The following FRMPD1 variants were observed in gnomAD, a reference collection of about 807,000 sequenced individuals.
FRMPD1 encodes the protein FERM and PDZ domain-containing protein 1.
FRMPD1 carries 76 observed loss-of-function variants against 117.8 expected under a neutral mutation model. That is an observed-to-expected ratio of 0.65 (90% CI 0.54 to 0.78). FRMPD1 has a LOEUF of 0.78. Among genes scored for constraint, FRMPD1 ranks in the 30% least tolerant of loss-of-function variants. The pLI, the probability that FRMPD1 is intolerant of heterozygous loss-of-function variation, is 0.00. For synonymous variants in FRMPD1, 783 were observed against 770.4 expected (o/e 1.02, Z -0.27); for missense variants, 1,786 against 1,964.5 (o/e 0.91, Z 1.72).
chr9:37,639,775 C>A, the FRMPD1 span, among the ~76,000 whole-genome samples: 3 of 152,292 alleles, frequency 2.0e-5, no homozygotes, highest in South Asian at 6.2e-4. Context: ...ATCCTCCCGC[C>A]TCAGCCACCC....
Position 37,733,750 on chromosome 9 carries a change from G to C in FRMPD1, c.1143G>C (p.Gln381His). ...PRQKQLISAA[Q>H]LRLNYLQILG... is the part of the protein sequence containing the mutation. ...TTAAGCAACTTATTTCTGCTGCCCA[G>C]CTACGTTTAAATTATCTACAGATCC... The change falls in exon 12 of 16, where the codon CAG becomes CAC. Residue 381 changes from glutamine (Q) to histidine (H), a missense_variant. Transcript: ENST00000377765. 6.2e-7 allele frequency: 1 copy of C among 1,607,158 alleles called. No individual in the cohort carries two copies. The highest frequency in any genetic ancestry group is 8.5e-7 in the Non-Finnish European group (1 of 1,173,732).
chr9:37,736,239 G>A (rs1258362398), intron 13 of FRMPD1, among the ~76,000 whole-genome samples: 1 of 151,784 alleles, frequency 6.6e-6, no homozygotes, highest in Non-Finnish European at 1.5e-5. Flanking sequence ...CTGACCTCGT[G>A]ATCCACCCGC....
chr9:37,729,449 G>A (rs1401735924), intron 7 of FRMPD1, among the ~76,000 whole-genome samples: 3 of 149,724 alleles, frequency 2.0e-5, no homozygotes, highest in Non-Finnish European at 4.4e-5. Flanking sequence ...TAAGTCTAGG[G>A]ACATAGGAGA....
the FRMPD1 span, chr9:37,637,407 T>C: frequency 1.5e-6 from 1 of 667,494 alleles, no homozygotes; most frequent in Non-Finnish European, 2.7e-6. Context: ...AAATTGCATT[T>C]AATAAAATTC....
intron 6 of FRMPD1, among the ~76,000 whole-genome samples, 161 bp from the exon 7 acceptor site, chr9:37,724,064 A>G (rs547811228): frequency 6.6e-6 from 1 of 151,820 alleles, no homozygotes; most frequent in South Asian, 2.1e-4. Context: ...AATCCCAGCT[A>G]TTTGGCAGGC....
In FRMPD1 at chr9:37,696,059, T is replaced by A. The variant is rs1458201773; in HGVS notation, c.101+3317T>A. On this transcript the variant is annotated intron_variant, in intron 2 of 15. Transcript: ENST00000377765. ...CGTTCTCCATTGTTTTGCTTTTTTTTTTTTTTTTTTTTTTTTAATATCTAG... is the reference window on the plus strand; with the variant it reads ...CGTTCTCCATTGTTTTGCTTTTTTTATTTTTTTTTTTTTTTTAATATCTAG... Among the ~76,000 whole-genome samples the A allele has an allele frequency of 9.8e-5, 13 of 133,232 alleles. No individual in the cohort carries two copies. The East Asian group carries it at 3.0e-3, about 31-fold the overall frequency. The allele number at this position is 133,232 out of a possible 152,430, so 87.4% of individuals were successfully genotyped here.
intron 2 of FRMPD1, among the ~76,000 whole-genome samples, chr9:37,701,938 C>T (rs1339375331): frequency 2.6e-5 from 4 of 151,970 alleles, no homozygotes; most frequent in South Asian, 2.1e-4. Flanking sequence ...GAGATCTTCT[C>T]GTGTTGTGAG....
intron 2 of FRMPD1, among the ~76,000 whole-genome samples, chr9:37,705,452 A>T (rs1363337465): frequency 6.6e-6 from 1 of 152,106 alleles, no homozygotes; most frequent in Non-Finnish European, 1.5e-5. Flanking sequence ...TACACCACCA[A>T]GTCCTGCTAT....
chr9:37,710,314 G>T (rs1822858634), intron 4 of FRMPD1, among the ~76,000 whole-genome samples: 1 of 152,200 alleles, frequency 6.6e-6, no homozygotes, highest in Non-Finnish European at 1.5e-5. Context: ...CATATTGCAA[G>T]AAGTCAAATG....
intron 5 of FRMPD1, among the ~76,000 whole-genome samples, chr9:37,717,455 C>T (rs1823196766): frequency 6.7e-6 from 1 of 150,272 alleles, no homozygotes; most frequent in Non-Finnish European, 1.5e-5. Flanking sequence ...TCTCGGCTCA[C>T]TGCAACCTCC....
chr9:37,643,951 C>G, the FRMPD1 span, among the ~76,000 whole-genome samples: 1 of 152,180 alleles, frequency 6.6e-6, no homozygotes, highest in Non-Finnish European at 1.5e-5. Context: ...TTGCTTATTG[C>G]AAGGGCATCT....
chr9:37,659,880 T>G, intron 1 of FRMPD1, among the ~76,000 whole-genome samples: 2 of 138,790 alleles, frequency 1.4e-5, no homozygotes, highest in African/African-American at 2.7e-5. Context: ...ACAAAGAGAG[T>G]GCGCTGCTTT....
In FRMPD1 at chr9:37,691,908, A is replaced by AAAAAG. The variant is rs556207979; in HGVS notation, c.-4-706_-4-702dup. Among the ~76,000 whole-genome samples, 555 of 152,264 alleles carry AAAAAG rather than the reference A, an allele frequency of 3.6e-3. 4 individuals are homozygous for AAAAAG. Among genetic ancestry groups the AAAAAG allele is most frequent in the African/African-American group, 9.2e-3 (384 of 41,544 alleles). On this transcript the variant is annotated intron_variant, in intron 1 of 15. Coordinates refer to ENST00000377765, the MANE Select transcript of FRMPD1 (RefSeq NM_014907.3). ...GGTGACAGAGCGAGACTCCATCTCA[A>AAAAAG]AAAAGAAAAGAAAAGAAAAGAAAAG...
At chr9:37,697,687 T>C (rs1435216989) in intron 2 of FRMPD1, among the ~76,000 whole-genome samples, 1 of 152,256 alleles carries the variant, frequency 6.6e-6, no homozygotes, top group Non-Finnish European at 1.5e-5. Flanking sequence ...TGCAACACAG[T>C]GACATTACAT....
chr9:37,608,412 T>C, the FRMPD1 span, among the ~76,000 whole-genome samples: 82 of 151,934 alleles, frequency 5.4e-4, 1 homozygote, highest in South Asian at 6.0e-3. Flanking sequence ...CTTTCTCTCT[T>C]TCTTTCTTTC....
intron 3 of FRMPD1, among the ~76,000 whole-genome samples, chr9:37,708,191 G>A (rs1822781340): frequency 6.6e-6 from 1 of 152,162 alleles, no homozygotes; most frequent in Non-Finnish European, 1.5e-5. Context: ...TAACATCCCT[G>A]GAAGTTGGTG....
the FRMPD1 span, among the ~76,000 whole-genome samples, chr9:37,626,641 A>AAAAAAAAAAAAAAAAAAAAAC: frequency 1.4e-5 from 2 of 145,886 alleles, no homozygotes; most frequent in Admixed American, 6.8e-5. Context: ...AAAAAAAAAA[A>AAAAAAAAAAAAAAAAAAAAAC]AGCTGGAGGT....
At chr9:37,683,754 A>G (rs1407339462) in intron 1 of FRMPD1, among the ~76,000 whole-genome samples, 28 of 141,710 alleles carry the variant, frequency 2.0e-4, no homozygotes, top group East Asian at 8.7e-4. Context: ...GTGTTGTGTG[A>G]GGGAGATGAA....
Position 37,746,460 on chromosome 9 carries a change from G to T in FRMPD1, c.4428G>T (p.Val1476=). 6.2e-7 allele frequency: 1 copy of T among 1,613,742 alleles called. No homozygotes were observed. The highest frequency in any genetic ancestry group is 8.5e-7 in the Non-Finnish European group (1 of 1,180,036). The change falls in exon 16 of 16, where the codon GTG becomes GTT. Residue 1476 remains valine, a synonymous_variant. Coordinates refer to ENST00000377765, the MANE Select transcript of FRMPD1 (RefSeq NM_014907.3). ...AGCTCCTGTCGAGCTGTCGGCATGT[G>T]ATCAGAATGGACCAGTCCCCCGAAG... ...SQKLLSSCRH[V]IRMDQSPEEM...
Sources: gnomAD v4.1 joint callset for allele counts (sites outside exome capture counted in the v4.1 genomes callset) on GRCh38, gnomAD v4.1.1 for gene constraint, MANE v1.5 for transcripts, NCBI Gene and HGNC (gene_info 2026-07-23, HGNC 2026-07-21) for gene names.